Variants in TMEM150C observed in about 807,000 individuals in gnomAD.
TMEM150C encodes the protein transmembrane protein 150C.
In TMEM150C, 10 loss-of-function variants were observed where a neutral mutation model predicts 29.9. The ratio of observed to expected loss-of-function variants is 0.33; its 90% CI spans 0.21 to 0.57. The LOEUF (loss-of-function observed/expected upper bound fraction) is 0.57, where lower values mean the gene tolerates loss of function less well. Among genes scored for constraint, TMEM150C ranks in the 20% least tolerant of loss-of-function variants. The probability of loss-of-function intolerance (pLI) is 0.88; values close to 1 mark genes in which losing one functional copy is unlikely to be tolerated. For synonymous variants in TMEM150C, 101 were observed against 112.5 expected (o/e 0.90, Z 0.64); for missense variants, 251 against 303.6 (o/e 0.83, Z 1.29).
Position 82,490,309 on chromosome 4 carries a change from AT to A in TMEM150C, c.364-72del, listed in dbSNP as rs541733614. ...GAAGACAGGCAAGTTGAAGGAATGAATATATGAGGGGAAAAGATAGGAAAAG... is the reference window on the plus strand; with the variant it reads ...GAAGACAGGCAAGTTGAAGGAATGAAATATGAGGGGAAAAGATAGGAAAAG... On this transcript the variant is annotated intron_variant, in intron 6 of 7. Coordinates refer to ENST00000449862, the MANE Select transcript of TMEM150C (RefSeq NM_001080506.3). 1.9e-3 allele frequency: 2,493 copies of A among 1,330,688 alleles called. 9 individuals are homozygous for A. The highest frequency in any genetic ancestry group is 6.1e-3 in the Admixed American group (322 of 52,974). The allele number at this position is 1,330,688 out of a possible 1,614,324, so 82.4% of individuals were successfully genotyped here. A position where few individuals can be genotyped will look rare whatever the true frequency, so the allele number is the denominator to read the frequency against.
At chr4:82,562,094 G>C, upstream of TMEM150C, 1 of 1,207,334 alleles carries the variant, frequency 8.3e-7, no homozygotes, top group Non-Finnish European at 1.0e-6. Flanking sequence ...CCCGCTGCTA[G>C]GCCTTCGGGG....
chr4:82,487,931 A>T (rs1723214757), intron 7 of TMEM150C, among the ~76,000 whole-genome samples: 1 of 151,568 alleles, frequency 6.6e-6, no homozygotes, highest in African/African-American at 2.4e-5. Flanking sequence ...TTTTATTTAT[A>T]TTTATTTATT....
intron 1 of TMEM150C, among the ~76,000 whole-genome samples, chr4:82,531,301 G>A (rs562313300): frequency 2.6e-5 from 4 of 152,340 alleles, no homozygotes; most frequent in Admixed American, 2.0e-4. Context: ...TAGTTCAGAA[G>A]AGGTTAAAGA....
intron 7 of TMEM150C, among the ~76,000 whole-genome samples, chr4:82,489,007 C>G (rs1723246658): frequency 6.6e-6 from 1 of 152,002 alleles, no homozygotes. Flanking sequence ...CCCACCTCAG[C>G]CTCCCCAGTA....
chr4:82,493,444 C>T (rs887989367), intron 6 of TMEM150C, among the ~76,000 whole-genome samples: 14 of 151,946 alleles, frequency 9.2e-5, no homozygotes, highest in African/African-American at 3.4e-4. Flanking sequence ...GTCTGTCTGC[C>T]GTCCCATATA....
intron 1 of TMEM150C, among the ~76,000 whole-genome samples, chr4:82,550,314 T>A (rs1185654840): frequency 6.6e-6 from 1 of 152,184 alleles, no homozygotes; most frequent in African/African-American, 2.4e-5. Flanking sequence ...CCTTCTGCCA[T>A]GATTTTAAGT....
intron 1 of TMEM150C, among the ~76,000 whole-genome samples, chr4:82,536,356 C>CAAAAAAA (rs567469021): frequency 3.7e-5 from 3 of 80,444 alleles, no homozygotes; most frequent in African/African-American, 3.2e-5. Flanking sequence ...GACTCCATCT[C>CAAAAAAA]AAAAAAAAAA....
At chr4:82,516,942 C>T (rs1284777478) in intron 1 of TMEM150C, among the ~76,000 whole-genome samples, 1 of 152,136 alleles carries the variant, frequency 6.6e-6, no homozygotes, top group Non-Finnish European at 1.5e-5. Context: ...CTTCCTATGG[C>T]CAGAAGAACT....
intron 1 of TMEM150C, among the ~76,000 whole-genome samples, chr4:82,533,128 T>C (rs1724901851): frequency 6.6e-6 from 1 of 152,226 alleles, no homozygotes. Flanking sequence ...TGAATCAATG[T>C]TGTTGGTCCA....
At chr4:82,549,787 C>T (rs141344591) in intron 1 of TMEM150C, among the ~76,000 whole-genome samples, 10 of 152,210 alleles carry the variant, frequency 6.6e-5, no homozygotes, top group Admixed American at 2.0e-4. Flanking sequence ...TTGTAGAGAT[C>T]GACCTTAATT....
chr4:82,504,543 T>C, intron 2 of TMEM150C, 35 bp downstream of exon 2: 1 of 1,569,828 alleles, frequency 6.4e-7, no homozygotes, highest in South Asian at 1.1e-5. Context: ...ACATTGCACC[T>C]GAATCCTTAA....
chr4:82,559,659 A>G (rs975601394), intron 1 of TMEM150C, among the ~76,000 whole-genome samples: 1 of 152,240 alleles, frequency 6.6e-6, no homozygotes, highest in Non-Finnish European at 1.5e-5. Flanking sequence ...CTTGGACCCT[A>G]TAATGTTTTG....
chr4:82,523,234 CG>C (rs886593057), intron 1 of TMEM150C, among the ~76,000 whole-genome samples: 3 of 151,808 alleles, frequency 2.0e-5, no homozygotes, highest in African/African-American at 7.3e-5. Context: ...GGGATGGGGG[CG>C]GGGGGGTGCT....
intron 1 of TMEM150C, among the ~76,000 whole-genome samples, chr4:82,507,299 C>T (rs1413728820): frequency 1.3e-5 from 2 of 152,164 alleles, no homozygotes; most frequent in Non-Finnish European, 2.9e-5. Flanking sequence ...GTCAAATGGA[C>T]AAATACTCAT....
chr4:82,504,683 C>A lies in TMEM150C; in HGVS notation c.-10-16G>T. On this transcript the variant is annotated splice_polypyrimidine_tract_variant and intron_variant, in intron 1 of 7. Transcript: ENST00000449862. ...GCCTGTACCACTGAAATAAAATAAA[C>A]ACGTATTAATAATTAAGGCAAAACA... 1.3e-6 allele frequency: 2 copies of A among 1,594,362 alleles called. No homozygotes were observed. Among genetic ancestry groups the A allele is most frequent in the Non-Finnish European group, 1.7e-6 (2 of 1,163,666 alleles).
intron 6 of TMEM150C, chr4:82,494,803 T>TTTTTTTG: frequency 3.3e-6 from 1 of 302,812 alleles, no homozygotes; most frequent in Admixed American, 4.1e-5. Context: ...TTTTTTTTTT[T>TTTTTTTG]GTGAGTCTGA....
rs184757568 is a variant in TMEM150C, at chr4:82,483,388, G to T, written c.*2123C>A. The T allele has an allele frequency of 7.0e-4, 106 of 152,252 alleles. No individual in the cohort carries two copies. Among genetic ancestry groups the T allele is most frequent in the African/African-American group, 2.5e-3 (105 of 41,576 alleles). The allele number at this position is 152,252 out of a possible 1,614,324, so 9.4% of individuals were successfully genotyped here. A position where few individuals can be genotyped will look rare whatever the true frequency, so the allele number is the denominator to read the frequency against. ...TTTTAAAATATAAAAATGAAAAAAA[G>T]AAACCCAAAAGCAGTATTCAAAACT... is the stretch of plus-strand genomic sequence containing the variant. On this transcript the variant is annotated 3_prime_UTR_variant, in exon 8 of 8. Coordinates refer to ENST00000449862, the MANE Select transcript of TMEM150C (RefSeq NM_001080506.3).
At chr4:82,534,069 G>C (rs1724932825) in intron 1 of TMEM150C, among the ~76,000 whole-genome samples, 1 of 151,770 alleles carries the variant, frequency 6.6e-6, no homozygotes, top group Non-Finnish European at 1.5e-5. Flanking sequence ...GTAAGAAATT[G>C]CTATTCTAGA....
At chr4:82,513,041 G>C (rs777646350) in intron 1 of TMEM150C, among the ~76,000 whole-genome samples, 1 of 152,198 alleles carries the variant, frequency 6.6e-6, no homozygotes, top group Non-Finnish European at 1.5e-5. Flanking sequence ...CCTGCCTGCC[G>C]GCTTTGAAGA....
Sources: allele counts gnomAD v4.1 joint callset (sites outside exome capture counted in the v4.1 genomes callset), GRCh38; gene constraint gnomAD v4.1.1; transcripts MANE v1.5; gene names NCBI Gene and HGNC (gene_info 2026-07-23, HGNC 2026-07-21).